Variants in CFAP44 observed in about 807,000 individuals in gnomAD.
The protein encoded by CFAP44 is cilia- and flagella-associated protein 44.
A neutral mutation model predicts 216.2 loss-of-function variants in CFAP44; 134 were observed. The observed-to-expected ratio is 0.62, with a 90% CI of 0.54 to 0.72. The LOEUF is 0.72. CFAP44 is among the 30% of genes least tolerant of loss of function. The probability of loss-of-function intolerance (pLI) is 0.00; values close to 1 mark genes in which losing one functional copy is unlikely to be tolerated. For synonymous variants in CFAP44, 700 were observed against 727.6 expected, an observed-to-expected ratio of 0.96 and a Z score of 0.61; for missense variants, 2,035 against 2,182.1, an observed-to-expected ratio of 0.93 and a Z score of 1.34.
intron 28 of CFAP44, among the ~76,000 whole-genome samples, chr3:113,313,162 G>C (rs145590512): frequency 6.6e-6 from 1 of 152,092 alleles, no homozygotes. Context: ...AAGCCACAGG[G>C]GTAGAGCTGC....
At chr3:113,395,621 C>G in intron 15 of CFAP44, 129 bp downstream of exon 15, 1 of 698,344 alleles carries the variant, frequency 1.4e-6, no homozygotes. Context: ...TTTCTGTTGC[C>G]GCATCCCTGA....
At chr3:113,361,745 G>A (rs960746718) in intron 21 of CFAP44, among the ~76,000 whole-genome samples, 54 of 151,782 alleles carry the variant, frequency 3.6e-4, no homozygotes, top group African/African-American at 1.2e-3. Context: ...TGATCCGCCC[G>A]CCTCGGCCTC....
intron 10 of CFAP44, 59 bp from the exon 11 acceptor site, chr3:113,401,346 A>G: frequency 6.8e-7 from 1 of 1,464,090 alleles, no homozygotes; most frequent in Non-Finnish European, 9.3e-7. Context: ...GATTTTTTAA[A>G]TGTTCTTTCT....
At chr3:113,329,630 AC>A (rs1950223096) in intron 26 of CFAP44, among the ~76,000 whole-genome samples, 1 of 152,202 alleles carries the variant, frequency 6.6e-6, no homozygotes, top group Admixed American at 6.5e-5. Context: ...ATCCTGCCCA[AC>A]AGGCCCTAGT....
intron 8 of CFAP44, among the ~76,000 whole-genome samples, chr3:113,405,795 C>T (rs1423012333): frequency 6.6e-6 from 1 of 152,170 alleles, no homozygotes. Context: ...AACAAGGATT[C>T]TATTGATCTT....
chr3:113,376,506 A>C (rs914554144), intron 17 of CFAP44, among the ~76,000 whole-genome samples: 6 of 152,256 alleles, frequency 3.9e-5, no homozygotes, highest in African/African-American at 1.2e-4. Flanking sequence ...TGTTCTGCAC[A>C]TGAGAAGCCA....
chr3:113,436,914 T>A (rs890231727), intron 1 of CFAP44, among the ~76,000 whole-genome samples: 15 of 152,230 alleles, frequency 9.9e-5, no homozygotes, highest in Admixed American at 3.3e-4. Context: ...GTTTTGTGAG[T>A]CAAAAGTCCA....
intron 5 of CFAP44, 152 bp from the exon 6 acceptor site, chr3:113,416,779 G>T: frequency 1.8e-6 from 1 of 561,832 alleles, no homozygotes; most frequent in East Asian, 3.1e-5. Context: ...AATATTTAAT[G>T]ATGGATACAA....
chr3:113,429,506 C>T (rs1935047518), intron 2 of CFAP44, among the ~76,000 whole-genome samples: 1 of 152,018 alleles, frequency 6.6e-6, no homozygotes, highest in Non-Finnish European at 1.5e-5. Context: ...CTATTTGTAT[C>T]ATTATGCTTA....
At chr3:113,375,078 A>C (rs1444480392) in intron 17 of CFAP44, among the ~76,000 whole-genome samples, 3 of 152,236 alleles carry the variant, frequency 2.0e-5, no homozygotes, top group African/African-American at 7.2e-5. Flanking sequence ...GAAACAAGCC[A>C]GTCATAAAGA....
At chr3:113,366,334 T>C (rs1177230777) in intron 18 of CFAP44, 25 bp from the exon 19 acceptor site, 1 of 1,584,612 alleles carries the variant, frequency 6.3e-7, no homozygotes, top group South Asian at 1.2e-5. Flanking sequence ...ATGTAAATTG[T>C]TCTTCCCATT....
At chr3:113,411,073 A>G (rs577562481) in intron 6 of CFAP44, among the ~76,000 whole-genome samples, 4 of 152,046 alleles carry the variant, frequency 2.6e-5, no homozygotes, top group African/African-American at 9.7e-5. Flanking sequence ...AGATTGCAAA[A>G]ATTTTCTCCC....
chr3:113,308,240 A>C lies in CFAP44; in HGVS notation c.4545T>G (p.Ser1515Arg). ...CACTCTCCAAGCTAGATTCTTCTTC[A>C]CTTGATTCCTCACTCTCCTCATCTT... The part of the protein sequence containing the change: ...ADEDEESEES[S>R]EEESSLESDE... Residue 1515 changes from serine (S) to arginine (R), a missense_variant, in exon 29 of 35, where the codon AGT becomes AGG. This residue lies in a region of CFAP44 where 1,883 missense variants were observed against 2,023.7 expected (regional missense o/e 0.93). Transcript: ENST00000393845. 1 of 1,536,372 alleles carries C rather than the reference A, an allele frequency of 6.5e-7. No individual in the cohort carries two copies. Among genetic ancestry groups the C allele is most frequent in the South Asian group, 1.2e-5 (1 of 83,766 alleles).
chr3:113,367,332 G>A (rs891952288), intron 18 of CFAP44, among the ~76,000 whole-genome samples: 12 of 152,152 alleles, frequency 7.9e-5, no homozygotes, highest in Admixed American at 2.6e-4. Context: ...TCATACAGGC[G>A]GGTGCCCTTC....
chr3:113,313,712 A>G (rs1272312325), intron 28 of CFAP44, among the ~76,000 whole-genome samples: 1 of 152,146 alleles, frequency 6.6e-6, no homozygotes, highest in Admixed American at 6.5e-5. Flanking sequence ...CACAAGATCT[A>G]ATGGTTTTAT....
intron 6 of CFAP44, among the ~76,000 whole-genome samples, chr3:113,412,844 G>T (rs1934528729): frequency 6.6e-6 from 1 of 152,142 alleles, no homozygotes; most frequent in African/African-American, 2.4e-5. Context: ...ACGTGTGCAT[G>T]TCTCTTTACA....
Position 113,396,509 on chromosome 3 carries a change from A to C in CFAP44, c.1779+9T>G. 2 of 1,612,358 alleles carry C rather than the reference A, an allele frequency of 1.2e-6. No homozygotes were observed. Among genetic ancestry groups the C allele is most frequent in the Non-Finnish European group, 1.7e-6 (2 of 1,178,964 alleles). On this transcript the variant is annotated intron_variant, in intron 14 of 34. Transcript: ENST00000393845. The stretch of plus-strand genomic sequence containing the variant: ...TTCAACAAGAAAAGAAAGGAAATGT[A>C]CTGCTTACCCCTGTGGCTAGAATTT...
chr3:113,300,313 A>C (rs977579488), intron 32 of CFAP44, among the ~76,000 whole-genome samples: 1 of 152,160 alleles, frequency 6.6e-6, no homozygotes, highest in Non-Finnish European at 1.5e-5. Flanking sequence ...CAGGGATACT[A>C]TGGTGAATAA....
rs1935362431 is a variant in CFAP44 at position 113,441,467 on chromosome 3, G to C, written c.-20C>G. ...TCCAAACTCACCGAAGGTACTGACCGCCGCGGCTCCTCTCTTCACAGCGTC... is the reference window on the plus strand; with the variant it reads ...TCCAAACTCACCGAAGGTACTGACCCCCGCGGCTCCTCTCTTCACAGCGTC... On this transcript the variant is annotated 5_prime_UTR_variant, in exon 1 of 35. Coordinates refer to ENST00000393845, the MANE Select transcript of CFAP44 (RefSeq NM_001164496.2). 1 of 984,508 alleles carries C rather than the reference G, an allele frequency of 1.0e-6. No individual in the cohort carries two copies. Among genetic ancestry groups the C allele is most frequent in the African/African-American group, 1.8e-5 (1 of 56,370 alleles). The allele number at this position is 984,508 out of a possible 1,614,324, so 61.0% of individuals were successfully genotyped here.
Sources: gnomAD v4.1 joint callset for allele counts (sites outside exome capture counted in the v4.1 genomes callset) on GRCh38, gnomAD v4.1.1 for gene constraint, gnomAD v4.1.1 regional missense constraint, MANE v1.5 for transcripts, NCBI Gene and HGNC (gene_info 2026-07-23, HGNC 2026-07-21) for gene names.